The following BRD8 variants were observed in gnomAD, a reference collection of about 807,000 sequenced individuals.
The protein encoded by BRD8 is bromodomain containing 8.
A neutral mutation model predicts 143.1 loss-of-function variants in BRD8; 67 were observed. That is an observed-to-expected ratio of 0.47 (90% CI 0.38 to 0.57). The LOEUF is 0.57. Among genes scored for constraint, BRD8 ranks in the 20% least tolerant of loss-of-function variants. The probability of loss-of-function intolerance (pLI) is 0.00; values close to 1 mark genes in which losing one functional copy is unlikely to be tolerated. For missense variants in BRD8, 1,103 were observed against 1,503.0 expected, an observed-to-expected ratio of 0.73 and a Z score of 4.40; for synonymous variants, 505 against 517.1, an observed-to-expected ratio of 0.98 and a Z score of 0.32.
At chr5:138,169,475 T>C in intron 7 of BRD8, 117 bp from the exon 8 acceptor site, 3 of 1,230,362 alleles carry the variant, frequency 2.4e-6, no homozygotes, top group Non-Finnish European at 3.4e-6. Context: ...TAAAGCAGCA[T>C]AATAAGTTTG....
At chr5:138,157,229 T>A in intron 20 of BRD8, 1 of 1,613,846 alleles carries the variant, frequency 6.2e-7, no homozygotes, top group Non-Finnish European at 8.5e-7. Flanking sequence ...TCTTCATATC[T>A]GCTTCAATGG....
chr5:138,164,777 A>G lies in BRD8; in HGVS notation c.1668T>C (p.Ile556=), dbSNP rs1334169459. Residue 556 remains isoleucine, a synonymous_variant, in exon 12 of 27, where the codon ATT becomes ATC. Coordinates refer to ENST00000254900, the MANE Select transcript of BRD8 (RefSeq NM_139199.2). ...TCCCAATGGCAACATCTGCTTCAAC[A>G]ATCTCTCCAGCTGCAGTACTTCCCA... ...EELGSTAAGE[I]VEADVAIGKG... 2 of 1,614,156 alleles carry G rather than the reference A, an allele frequency of 1.2e-6. No homozygotes were observed. The highest frequency in any genetic ancestry group is 8.5e-7 in the Non-Finnish European group (1 of 1,180,046).
At chr5:138,174,302 A>G (rs1754133911) in intron 2 of BRD8, among the ~76,000 whole-genome samples, 1 of 152,122 alleles carries the variant, frequency 6.6e-6, no homozygotes, top group African/African-American at 2.4e-5. Flanking sequence ...TATGCTCTAA[A>G]TGTGTGCACT....
chr5:138,161,068 C>A lies in BRD8; in HGVS notation c.2250G>T (p.Arg750Ser). The A allele has an allele frequency of 6.2e-7, 1 of 1,602,190 alleles. No homozygotes were observed. Among genetic ancestry groups the A allele is most frequent in the Non-Finnish European group, 8.5e-7 (1 of 1,175,112 alleles). The change falls in exon 18 of 27, where the codon AGG becomes AGT. Residue 750 changes from arginine to serine, a missense_variant and splice_region_variant. Arg to Ser is a moderately radical substitution (Grantham distance 110, BLOSUM62 -1). Around this residue, in one of 7 missense-constraint regions of BRD8, gnomAD observed 64 missense variants for 211.3 expected, o/e 0.30. Coordinates refer to ENST00000254900, the MANE Select transcript of BRD8 (RefSeq NM_139199.2). ...IAPGYHSIVQ[R>S]PMDLSTIKKN... The stretch of plus-strand genomic sequence containing the variant: ...TCTTAATAGTTGACAAATCCATAGG[C>A]CTAAAAAAAAAGAACAGGGGTAAGT...
chr5:138,169,240 C>T lies in BRD8; in HGVS notation c.624G>A (p.Met208Ile). The change falls in exon 8 of 27, where the codon ATG becomes ATA. Residue 208 changes from methionine to isoleucine, a missense_variant. By Grantham distance (10) the Met-to-Ile change is conservative. Coordinates refer to ENST00000254900, the MANE Select transcript of BRD8 (RefSeq NM_139199.2). ...YPLGDLTPTTMEEATSGVNES... is the reference protein window; with the variant it reads ...YPLGDLTPTTIEEATSGVNES... ...TACTCACCCCAGAGGTAGCCTCTTCCATAGTGGTTGGAGTCAAGTCCCCAA... is the reference window on the plus strand; with the variant it reads ...TACTCACCCCAGAGGTAGCCTCTTCTATAGTGGTTGGAGTCAAGTCCCCAA... 6.2e-7 allele frequency: 1 copy of T among 1,614,014 alleles called. No homozygotes were observed. The highest frequency in any genetic ancestry group is 8.5e-7 in the Non-Finnish European group (1 of 1,179,998).
chr5:138,168,346 AT>A, intron 8 of BRD8: 1 of 760,242 alleles, frequency 1.3e-6, no homozygotes, highest in Admixed American at 2.6e-5. Context: ...AAAAATTAAC[AT>A]TTAATTAGGA....
chr5:138,153,333 T>A (rs1752441757), intron 20 of BRD8, among the ~76,000 whole-genome samples: 1 of 152,180 alleles, frequency 6.6e-6, no homozygotes, highest in Non-Finnish European at 1.5e-5. Flanking sequence ...CTTGGTTTTT[T>A]TATATCTTTC....
chr5:138,164,679 C>A (rs745512150), intron 12 of BRD8, 35 bp downstream of exon 12: 4 of 1,605,400 alleles, frequency 2.5e-6, no homozygotes, highest in East Asian at 2.2e-5. Flanking sequence ...AAGGTATAAA[C>A]CTCCATCTCC....
At chr5:138,145,943 G>C in intron 23 of BRD8, 65 bp from the exon 24 acceptor site, 1 of 1,386,142 alleles carries the variant, frequency 7.2e-7, no homozygotes, top group Non-Finnish European at 1.0e-6. Flanking sequence ...TCTCCCCCAG[G>C]TGGGTAATGA....
intron 12 of BRD8, 21 bp downstream of exon 12, chr5:138,164,693 G>A (rs748759017): frequency 6.2e-7 from 1 of 1,612,390 alleles, no homozygotes; most frequent in South Asian, 1.1e-5. Flanking sequence ...CATCTCCCCA[G>A]CCCCGATCTT....
At chr5:138,173,574 ATT>A (rs1490026655) in intron 2 of BRD8, among the ~76,000 whole-genome samples, 1 of 152,028 alleles carries the variant, frequency 6.6e-6, no homozygotes, top group Non-Finnish European at 1.5e-5. Flanking sequence ...CAAAACACAC[ATT>A]GTTTTTGTTT....
intron 25 of BRD8, among the ~76,000 whole-genome samples, chr5:138,141,149 G>A (rs572462909): frequency 6.9e-6 from 1 of 145,704 alleles, no homozygotes; most frequent in East Asian, 2.0e-4. Context: ...TTTTTTTTGA[G>A]TCGGAGTTTC....
chr5:138,169,203 C>A lies in BRD8; in HGVS notation c.642+19G>T. On this transcript the variant is annotated intron_variant, in intron 8 of 26. Coordinates refer to ENST00000254900, the MANE Select transcript of BRD8 (RefSeq NM_139199.2). ...TTGCCCCTTCACTGATCAATTCCCA[C>A]AGATGGAAATATACTCACCCCAGAG... The A allele has an allele frequency of 6.2e-7, 1 of 1,610,468 alleles. No individual in the cohort carries two copies. The highest frequency in any genetic ancestry group is 2.2e-5 in the East Asian group (1 of 44,838).
intron 23 of BRD8, among the ~76,000 whole-genome samples, chr5:138,148,159 G>GAAA (rs764280222): frequency 4.1e-5 from 3 of 73,648 alleles, no homozygotes; most frequent in South Asian, 4.7e-4. Context: ...TGATGAGCTG[G>GAAA]AAAAAAAAAA....
rs904586789 is a variant in BRD8 at position 138,151,694 on chromosome 5, C to T, written c.2857-686G>A. On this transcript the variant is annotated intron_variant, in intron 21 of 26. Transcript: ENST00000254900. ...TTTTTTTACTTTTGAGACGGAGTCT[C>T]GCTCTGTTACCTAGGCTGGAGTCCA... Among the ~76,000 whole-genome samples, 6 of 152,188 alleles carry T rather than the reference C, an allele frequency of 3.9e-5. No homozygotes were observed. In the South Asian group the frequency reaches 1.0e-3, roughly 26 times the overall value.
Position 138,145,238 on chromosome 5 carries a change from T to C in BRD8, c.3376A>G (p.Ser1126Gly), listed in dbSNP as rs1274717162. ...TCTGACACAGGCTTCAGAAATGGAC[T>C]GCTGAACCTGTTAAGGGACAAACCC... ...WKMIASHRFS[S>G]PFLKPVSERQ... is the part of the protein sequence containing the mutation. Residue 1126 changes from serine to glycine, a missense_variant, in exon 25 of 27, where the codon AGT (serine) becomes GGT (glycine). Physicochemically the swap from Ser to Gly is moderately conservative, Grantham distance 56. This residue lies in a region of BRD8 where 369 missense variants were observed against 445.5 expected (regional missense o/e 0.83). Transcript: ENST00000254900. The C allele has an allele frequency of 1.9e-6, 3 of 1,613,828 alleles. No individual in the cohort carries two copies. The highest frequency in any genetic ancestry group is 1.3e-5 in the African/African-American group (1 of 74,910).
At position 138,165,151 on chromosome 5, in the gene BRD8, C is replaced by T; in HGVS notation, c.1294G>A (p.Glu432Lys). The T allele has an allele frequency of 6.2e-7, 1 of 1,613,894 alleles. No homozygotes were observed. The highest frequency in any genetic ancestry group is 1.7e-4 in the Middle Eastern group (1 of 6,034). Reference sequence around the variant, plus strand: ...TCCACTGCTGCCACATCCAGCACTTCAGGATGATCATCTACCTGTCCCACA... The same window carrying T: ...TCCACTGCTGCCACATCCAGCACTTTAGGATGATCATCTACCTGTCCCACA... ...IIEDKVDDHP[E>K]VLDVAAVEAA... The change falls in exon 12 of 27, where the codon GAA becomes AAA. Residue 432 changes from glutamate to lysine, a missense_variant. Coordinates refer to ENST00000254900, the MANE Select transcript of BRD8 (RefSeq NM_139199.2).
intron 20 of BRD8, among the ~76,000 whole-genome samples, chr5:138,154,337 C>T (rs1317888198): frequency 6.6e-6 from 1 of 151,914 alleles, no homozygotes; most frequent in African/African-American, 2.4e-5. Context: ...CGTATTGCCA[C>T]CCACCACCCC....
chr5:138,159,321 G>A (rs967559374), intron 20 of BRD8, among the ~76,000 whole-genome samples: 1 of 151,680 alleles, frequency 6.6e-6, no homozygotes, highest in Non-Finnish European at 1.5e-5. Context: ...TTCACCCCTA[G>A]AATACATTTC....
Sources: gnomAD v4.1 joint callset for allele counts (sites outside exome capture counted in the v4.1 genomes callset) on GRCh38, gnomAD v4.1.1 for gene constraint, gnomAD v4.1.1 regional missense constraint, MANE v1.5 for transcripts, NCBI Gene and HGNC (gene_info 2026-07-23, HGNC 2026-07-21) for gene names.